The following ASIC2 variants were observed in gnomAD, a reference collection of about 807,000 sequenced individuals.
ASIC2 encodes acid sensing ion channel subunit 2, also known as acid-sensing ion channel 2.
A neutral mutation model predicts 57.3 loss-of-function variants in ASIC2; 25 were observed. That is an observed-to-expected ratio of 0.44 (90% CI 0.32 to 0.61). The LOEUF (loss-of-function observed/expected upper bound fraction) is 0.61, where lower values mean the gene tolerates loss of function less well. ASIC2 is among the 20% of genes least tolerant of loss of function. The pLI is 0.06. For synonymous variants in ASIC2, 319 were observed against 307.5 expected (o/e 1.04, Z -0.39); for missense variants, 641 against 738.1 (o/e 0.87, Z 1.52).
chr17:33,628,895 T>C (rs1906072181), intron 1 of ASIC2, among the ~76,000 whole-genome samples: 1 of 152,228 alleles, frequency 6.6e-6, no homozygotes, highest in Admixed American at 6.5e-5. Flanking sequence ...CCAAATCCCA[T>C]GCTCTTAGCC....
chr17:33,880,738 G>A (rs1914678704), intron 1 of ASIC2, among the ~76,000 whole-genome samples: 1 of 152,252 alleles, frequency 6.6e-6, no homozygotes, highest in African/African-American at 2.4e-5. Flanking sequence ...GAAAAAGAGG[G>A]AATCCTCCCT....
Position 33,424,275 on chromosome 17 carries a change from T to C in ASIC2, c.556-312208A>G, listed in dbSNP as rs528075937. Among the ~76,000 whole-genome samples, 106 of 152,304 alleles carry C rather than the reference T, an allele frequency of 7.0e-4. 2 individuals carry two copies. The South Asian group carries it at 0.021, about 31-fold the overall frequency. On this transcript the variant is annotated intron_variant, in intron 1 of 9. Transcript: ENST00000359872. ...TTTAAATAGCCTCCAGCACACTATG[T>C]GGCTGCCAGAAGTTGTAATTAAATA...
At chr17:33,446,025 T>G (rs1352697563) in intron 1 of ASIC2, among the ~76,000 whole-genome samples, 1 of 151,866 alleles carries the variant, frequency 6.6e-6, no homozygotes, top group Non-Finnish European at 1.5e-5. Flanking sequence ...GCCAAGTCTG[T>G]GAAGTACCAT....
intron 1 of ASIC2, among the ~76,000 whole-genome samples, chr17:33,361,131 T>C (rs1265203827): frequency 6.6e-6 from 1 of 152,144 alleles, no homozygotes; most frequent in Non-Finnish European, 1.5e-5. Context: ...GAGGAGCATG[T>C]AGATAAGGAG....
chr17:33,833,861 C>T (rs1913190147), intron 1 of ASIC2: 1 of 152,178 alleles, frequency 6.6e-6, no homozygotes, highest in Non-Finnish European at 1.5e-5. Context: ...TCGAGACCAG[C>T]CTGGGCCACA....
At chr17:34,043,742 GA>G (rs1438584171) in intron 1 of ASIC2, among the ~76,000 whole-genome samples, 1 of 152,126 alleles carries the variant, frequency 6.6e-6, no homozygotes, top group African/African-American at 2.4e-5. Flanking sequence ...TCTTTTCATA[GA>G]GGGGAAAACC....
In ASIC2 at chr17:34,156,583, G is replaced by A. The variant is rs745570364; in HGVS notation, c.-51C>T. The A allele has an allele frequency of 6.6e-7, 1 of 1,520,446 alleles. No individual in the cohort carries two copies. The highest frequency in any genetic ancestry group is 8.9e-7 in the Non-Finnish European group (1 of 1,129,658). The allele number at this position is 1,520,446 out of a possible 1,614,324, so 94.2% of individuals were successfully genotyped here. ...GGCTTCAGGTTGATCGAATTTCAGA[G>A]AAGAGCTCCCAGTCCTCGGGCTCTG... On this transcript the variant is annotated 5_prime_UTR_variant, in exon 1 of 10. Transcript: ENST00000359872. This position sits in a 1 kb window ranked among gnomAD's most constrained non-coding sequence, Gnocchi z 4.4.
At chr17:34,078,766 T>A (rs1020093026) in intron 1 of ASIC2, 1 of 152,276 alleles carries the variant, frequency 6.6e-6, no homozygotes, top group Admixed American at 6.5e-5. Context: ...CTTCTTTCTG[T>A]GGCCAAAGGC....
intron 1 of ASIC2, among the ~76,000 whole-genome samples, chr17:33,309,242 G>C (rs113773978): frequency 5.4e-4 from 82 of 151,636 alleles, no homozygotes; most frequent in African/African-American, 1.9e-3. Context: ...GTCAGATGTC[G>C]TAGATTGTCT....
intron 1 of ASIC2, among the ~76,000 whole-genome samples, chr17:33,418,297 G>A (rs1355753228): frequency 6.6e-6 from 1 of 151,988 alleles, no homozygotes; most frequent in Non-Finnish European, 1.5e-5. Context: ...CAGTTTCCCT[G>A]TGCCACTTGA....
At chr17:33,789,310 A>T (rs943433354) in intron 1 of ASIC2, among the ~76,000 whole-genome samples, 6 of 152,224 alleles carry the variant, frequency 3.9e-5, no homozygotes, top group African/African-American at 1.4e-4. Flanking sequence ...TTTAATAATG[A>T]TTGACATTTG....
At chr17:33,795,531 G>A (rs1022445260) in intron 1 of ASIC2, among the ~76,000 whole-genome samples, 20 of 152,176 alleles carry the variant, frequency 1.3e-4, no homozygotes, top group African/African-American at 4.3e-4. Context: ...CATGGCCTTT[G>A]GAAAAAAGGG....
intron 1 of ASIC2, among the ~76,000 whole-genome samples, chr17:34,072,989 T>C (rs1909479396): frequency 6.6e-6 from 1 of 152,134 alleles, no homozygotes; most frequent in Non-Finnish European, 1.5e-5. Context: ...AAAATATACA[T>C]GGAAAACCAT....
At chr17:33,793,813 C>T (rs186192867) in intron 1 of ASIC2, 4 of 152,258 alleles carry the variant, frequency 2.6e-5, no homozygotes, top group African/African-American at 9.6e-5. Flanking sequence ...TTTGATCTAC[C>T]CAAACACAAT....
intron 1 of ASIC2, among the ~76,000 whole-genome samples, chr17:33,319,557 A>T (rs1429853712): frequency 6.6e-6 from 1 of 152,210 alleles, no homozygotes; most frequent in Non-Finnish European, 1.5e-5. Context: ...GTTACATGAG[A>T]TATTTTGATA....
At chr17:33,093,559 A>G (rs1225396402) in intron 2 of ASIC2, among the ~76,000 whole-genome samples, 1 of 152,172 alleles carries the variant, frequency 6.6e-6, no homozygotes, top group African/African-American at 2.4e-5. Flanking sequence ...AACATGAAAG[A>G]TAATGCTGAA....
chr17:34,079,965 C>G (rs1909816040), intron 1 of ASIC2, among the ~76,000 whole-genome samples: 1 of 136,068 alleles, frequency 7.3e-6, no homozygotes, highest in Admixed American at 7.6e-5. Flanking sequence ...TCTCCAACTT[C>G]TTGCATGTAG....
chr17:33,888,727 T>A (rs1483487329), intron 1 of ASIC2, among the ~76,000 whole-genome samples: 1 of 152,020 alleles, frequency 6.6e-6, no homozygotes, highest in Non-Finnish European at 1.5e-5. Context: ...TAAAATACAA[T>A]TAACCTCCCT....
At chr17:33,073,265 C>T (rs191423040) in intron 3 of ASIC2, among the ~76,000 whole-genome samples, 10 of 152,294 alleles carry the variant, frequency 6.6e-5, no homozygotes, top group South Asian at 4.2e-4. Flanking sequence ...CATTAGAAAA[C>T]GATGTGTAGC....
Sources: gnomAD v4.1 joint callset for allele counts (sites outside exome capture counted in the v4.1 genomes callset) on GRCh38, gnomAD v4.1.1 for gene constraint, Gnocchi (gnomAD v3.1) non-coding constraint, MANE v1.5 for transcripts, NCBI Gene and HGNC (gene_info 2026-07-23, HGNC 2026-07-21) for gene names.